CSPP1: variants seen among roughly 807,000 people sequenced by gnomAD.
The protein encoded by CSPP1 is centrosome and spindle pole-associated protein 1.
Under a neutral mutation model 164.4 loss-of-function variants are expected in CSPP1, and 126 were observed. The observed-to-expected ratio is 0.77, with a 90% CI of 0.66 to 0.89. The LOEUF (loss-of-function observed/expected upper bound fraction) is 0.89. CSPP1 is among the 40% of genes least tolerant of loss of function. The pLI is 0.00. For missense variants in CSPP1, 1,395 were observed against 1,449.8 expected (o/e 0.96, Z 0.61); for synonymous variants, 472 against 476.7 (o/e 0.99, Z 0.13).
intron 18 of CSPP1, among the ~76,000 whole-genome samples, chr8:67,151,476 G>T (rs1468764027): frequency 1.3e-5 from 2 of 152,064 alleles, no homozygotes; most frequent in African/African-American, 4.8e-5. Flanking sequence ...ACCTGGTATT[G>T]TTTGTAGTTC....
intron 1 of CSPP1, among the ~76,000 whole-genome samples, chr8:67,071,950 G>A (rs925118414): frequency 2.0e-5 from 3 of 152,092 alleles, no homozygotes; most frequent in Non-Finnish European, 4.4e-5. Context: ...CTTCTAAAAG[G>A]AAACATAAAA....
chr8:67,161,454 T>C (rs1010213764), intron 21 of CSPP1, among the ~76,000 whole-genome samples: 4 of 152,218 alleles, frequency 2.6e-5, no homozygotes, highest in Non-Finnish European at 5.9e-5. Context: ...AGGATTTTGT[T>C]ATTTAATTTT....
intron 27 of CSPP1, among the ~76,000 whole-genome samples, chr8:67,178,240 C>G (rs1832150825): frequency 1.3e-5 from 2 of 152,064 alleles, no homozygotes; most frequent in African/African-American, 2.4e-5. Context: ...GAGTAGGAGT[C>G]TGTTATGGAA....
intron 18 of CSPP1, 29 bp from the exon 19 acceptor site, chr8:67,153,995 G>A (rs1363612633): frequency 2.9e-6 from 3 of 1,019,704 alleles, no homozygotes; most frequent in South Asian, 2.6e-5. Context: ...TTGGCTAATA[G>A]TATGTTTTTG....
chr8:67,122,573 T>A (rs1234259716), intron 15 of CSPP1, among the ~76,000 whole-genome samples: 2 of 152,374 alleles, frequency 1.3e-5, no homozygotes, highest in East Asian at 1.9e-4. Flanking sequence ...TCTAATATAA[T>A]TACATTGCAG....
At chr8:67,122,276 G>A (rs1019684132) in intron 15 of CSPP1, among the ~76,000 whole-genome samples, 1 of 149,578 alleles carries the variant, frequency 6.7e-6, no homozygotes, top group African/African-American at 2.5e-5. Flanking sequence ...TGCTTACTTT[G>A]GGTTCCGTTT....
rs192525177 is a variant in CSPP1, at chr8:67,186,160, A to T, written c.3221-4490A>T. ...TTTTCCATCATTTCATTTCTGTAAC[A>T]GTTGATATCTGGCTGTCCTTTTTAT... On this transcript the variant is annotated intron_variant, in intron 28 of 30. Coordinates refer to ENST00000678616, the MANE Select transcript of CSPP1 (RefSeq NM_001382391.1). Among the ~76,000 whole-genome samples, 396 of 152,322 alleles carry T rather than the reference A, an allele frequency of 2.6e-3. 2 individuals are homozygous for T. The highest frequency in any genetic ancestry group is 8.7e-3 in the African/African-American group (360 of 41,558).
chr8:67,100,137 T>A (rs1302686457), intron 7 of CSPP1, among the ~76,000 whole-genome samples: 1 of 152,190 alleles, frequency 6.6e-6, no homozygotes, highest in African/African-American at 2.4e-5. Flanking sequence ...ACTTTTATAA[T>A]CTTGTTAATG....
chr8:67,138,324 C>T (rs543738339), intron 17 of CSPP1, among the ~76,000 whole-genome samples: 2 of 152,284 alleles, frequency 1.3e-5, no homozygotes, highest in African/African-American at 4.8e-5. Flanking sequence ...ATAACCTACA[C>T]ACATCTTCCT....
At chr8:67,142,767 T>C (rs1823756705) in intron 17 of CSPP1, among the ~76,000 whole-genome samples, 1 of 152,232 alleles carries the variant, frequency 6.6e-6, no homozygotes, top group Non-Finnish European at 1.5e-5. Context: ...TTTGTCATTT[T>C]GCATTCCTAT....
chr8:67,098,062 A>AG (rs1355338751), intron 7 of CSPP1, among the ~76,000 whole-genome samples: 1 of 151,384 alleles, frequency 6.6e-6, no homozygotes, highest in Non-Finnish European at 1.5e-5. Flanking sequence ...AAAAAAAAAA[A>AG]AAGACCAGTC....
intron 9 of CSPP1, among the ~76,000 whole-genome samples, chr8:67,110,377 A>G (rs537642663): frequency 1.3e-5 from 2 of 152,232 alleles, no homozygotes; most frequent in East Asian, 3.9e-4. Flanking sequence ...TTACTACTAC[A>G]GAGTGACCTT....
Position 67,150,610 on chromosome 8 carries a change from C to T in CSPP1, c.2128+675C>T, listed in dbSNP as rs114596418. Among the ~76,000 whole-genome samples the T allele has an allele frequency of 7.8e-3, 1,183 of 152,238 alleles. 13 individuals are homozygous for T. Among genetic ancestry groups the T allele is most frequent in the African/African-American group, 0.027 (1,128 of 41,544 alleles). On this transcript the variant is annotated intron_variant, in intron 18 of 30. Coordinates refer to ENST00000678616, the MANE Select transcript of CSPP1 (RefSeq NM_001382391.1). ...GTAGGTATGGGGTTTCACCATTTAG[C>T]CAGGCTGGTCTCGAACTTCTGACCT...
intron 15 of CSPP1, among the ~76,000 whole-genome samples, chr8:67,128,607 A>G (rs1364741211): frequency 1.3e-5 from 2 of 152,058 alleles, no homozygotes; most frequent in Non-Finnish European, 2.9e-5. Context: ...TGTGGAATGA[A>G]GGAATACTCT....
chr8:67,162,609 A>T (rs1371875078), intron 22 of CSPP1, among the ~76,000 whole-genome samples: 2 of 152,222 alleles, frequency 1.3e-5, no homozygotes, highest in African/African-American at 4.8e-5. Flanking sequence ...GGGGAATGAC[A>T]TGGCCACTTT....
chr8:67,160,096 G>A (rs1239317649), intron 21 of CSPP1, among the ~76,000 whole-genome samples: 1 of 139,542 alleles, frequency 7.2e-6, no homozygotes, highest in African/African-American at 2.7e-5. Flanking sequence ...TGCCCAGGCT[G>A]ATCTCAAATT....
intron 27 of CSPP1, 97 bp downstream of exon 27, chr8:67,177,823 G>C: frequency 1.2e-6 from 1 of 856,728 alleles, no homozygotes; most frequent in Non-Finnish European, 2.0e-6. Flanking sequence ...AATTATTCAG[G>C]AATATTGAAT....
At chr8:67,067,934 C>T (rs903283766) in intron 1 of CSPP1, among the ~76,000 whole-genome samples, 2 of 151,080 alleles carry the variant, frequency 1.3e-5, no homozygotes, top group African/African-American at 2.4e-5. Flanking sequence ...ACTACAGCCT[C>T]TGCTTCCTGG....
At chr8:67,088,450 G>T (rs1563521072) in intron 4 of CSPP1, among the ~76,000 whole-genome samples, 1 of 151,570 alleles carries the variant, frequency 6.6e-6, no homozygotes, top group Non-Finnish European at 1.5e-5. Context: ...ACCATGCCTG[G>T]CTAATTTTTT....
Sources: allele counts gnomAD v4.1 joint callset (sites outside exome capture counted in the v4.1 genomes callset), GRCh38; gene constraint gnomAD v4.1.1; transcripts MANE v1.5; gene names NCBI Gene and HGNC (gene_info 2026-07-23, HGNC 2026-07-21).